The following LEMD1 variants were observed in gnomAD, a reference collection of about 807,000 sequenced individuals.
LEMD1 encodes LEM domain-containing protein 1.
A neutral mutation model predicts 17.4 loss-of-function variants in LEMD1; 18 were observed. The ratio of observed to expected loss-of-function variants is 1.04; its 90% CI spans 0.72 to 1.54. LEMD1 has a LOEUF of 1.54. Ranked by LOEUF, LEMD1 falls within the 40% of genes most tolerant of loss-of-function variation. LEMD1 has a pLI of 0.00. For synonymous variants in LEMD1, 88 were observed against 77.8 expected (o/e 1.13, Z -0.69); for missense variants, 195 against 210.4 (o/e 0.93, Z 0.45).
At chr1:205,414,744 C>A (rs1665613448) in intron 4 of LEMD1, among the ~76,000 whole-genome samples, 1 of 152,058 alleles carries the variant, frequency 6.6e-6, no homozygotes, top group Admixed American at 6.5e-5. Flanking sequence ...TTCAGTTACC[C>A]AGGTGTGGTG....
chr1:205,393,440 C>T (rs1373572185), intron 4 of LEMD1, among the ~76,000 whole-genome samples: 3 of 151,942 alleles, frequency 2.0e-5, no homozygotes, highest in Non-Finnish European at 4.4e-5. Context: ...CTTTGGGAGG[C>T]CGAGGTGGAT....
chr1:205,421,281 A>G (rs1238962321), intron 1 of LEMD1, among the ~76,000 whole-genome samples: 1 of 152,182 alleles, frequency 6.6e-6, no homozygotes, highest in African/African-American at 2.4e-5. Flanking sequence ...TGATCTCCCA[A>G]AGTTGACCCT....
chr1:205,426,902 C>T (rs963524200), upstream of LEMD1, among the ~76,000 whole-genome samples: 1 of 152,018 alleles, frequency 6.6e-6, no homozygotes. Flanking sequence ...GGGAGAGAGA[C>T]CAAGTGTGTC....
chr1:205,408,032 G>T (rs1468406084), intron 4 of LEMD1, among the ~76,000 whole-genome samples: 1 of 152,150 alleles, frequency 6.6e-6, no homozygotes, highest in East Asian at 1.9e-4. Flanking sequence ...AAAGACTGAG[G>T]CACCGTGGCT....
chr1:205,391,294 T>C (rs1317081659), intron 4 of LEMD1, among the ~76,000 whole-genome samples: 2 of 151,840 alleles, frequency 1.3e-5, no homozygotes, highest in African/African-American at 4.8e-5. Context: ...CTGGAAGATA[T>C]AGAGAGAAGG....
At chr1:205,418,989 G>T (rs1444320012) in intron 3 of LEMD1, among the ~76,000 whole-genome samples, 1 of 152,212 alleles carries the variant, frequency 6.6e-6, no homozygotes, top group Non-Finnish European at 1.5e-5. Context: ...AAAAGGACAT[G>T]CACGTTGAGC....
chr1:205,428,912 A>T lies in LEMD1; in HGVS notation c.-38-8338T>A, dbSNP rs756619613. Among the ~76,000 whole-genome samples the T allele has an allele frequency of 2.6e-5, 4 of 152,170 alleles. No individual in the cohort carries two copies. The East Asian group carries it at 7.7e-4, about 29-fold the overall frequency. On this transcript the variant is annotated intron_variant, in intron 1 of 3. Transcript: ENST00000367154. ...GGAATGAGTCAGATTTCTGGCTTGA[A>T]TATCTCAGTAACCAGAGGTGCCCTT...
rs575442008 is a variant in LEMD1 at position 205,394,953 on chromosome 1, C to G, written c.271-10589G>C. Among the ~76,000 whole-genome samples, 16 of 150,958 alleles carry G rather than the reference C, an allele frequency of 1.1e-4. No individual in the cohort carries two copies. In the East Asian group the frequency reaches 3.2e-3, roughly 30 times the overall value. On this transcript the variant is annotated intron_variant, in intron 4 of 5. Coordinates refer to ENST00000367153, the MANE Select transcript of LEMD1 (RefSeq NM_001199050.2). ...AGTGAGCCGAGATCGCCCTACTGCA[C>G]TACAGCCTGGGTGACACAGTGAGAC...
intron 1 of LEMD1, among the ~76,000 whole-genome samples, chr1:205,421,584 C>G (rs1177214510): frequency 6.6e-6 from 1 of 152,072 alleles, no homozygotes; most frequent in African/African-American, 2.4e-5. Context: ...TCTGGAATAC[C>G]TAGTTTGACA....
At chr1:205,407,306 G>A (rs1665161093) in intron 4 of LEMD1, among the ~76,000 whole-genome samples, 1 of 148,536 alleles carries the variant, frequency 6.7e-6, no homozygotes, top group African/African-American at 2.5e-5. Context: ...CTCCAGCCTG[G>A]GCAACACAGA....
In LEMD1 at chr1:205,419,221, T is replaced by C. The variant is rs1285202151; in HGVS notation, c.205+9A>G. 6.2e-7 allele frequency: 1 copy of C among 1,613,950 alleles called. No homozygotes were observed. The highest frequency in any genetic ancestry group is 1.7e-5 in the Admixed American group (1 of 59,952). ...AGTTGCCATCTAGCAGTACAGCTTA[T>C]GGCGGTACCTTCGCTGTCATCACTG... On this transcript the variant is annotated intron_variant, in intron 3 of 5. Coordinates refer to ENST00000367153, the MANE Select transcript of LEMD1 (RefSeq NM_001199050.2).
intron 1 of LEMD1, among the ~76,000 whole-genome samples, chr1:205,439,264 A>C (rs1380317487): frequency 1.3e-5 from 2 of 152,122 alleles, no homozygotes; most frequent in Non-Finnish European, 2.9e-5. Context: ...TGTTCCCTTG[A>C]GGGAAGGACT....
In LEMD1 at chr1:205,446,312, G is replaced by A. The variant is rs568027454; in HGVS notation, c.-39+3556C>T. The stretch of plus-strand genomic sequence containing the variant: ...GCCCAGCCCCAGCAAAGCGAGGACT[G>A]TCTCGGGTGAGTTGCTGAGCTGTGG... On this transcript the variant is annotated intron_variant, in intron 1 of 3. Transcript: ENST00000367154. 1.8e-4 allele frequency among the ~76,000 whole-genome samples: 28 copies of A among 152,388 alleles called. No individual in the cohort carries two copies. In the South Asian group the frequency reaches 5.6e-3, roughly 30 times the overall value.
chr1:205,384,231 C>T (rs1193898569), intron 5 of LEMD1, 57 bp downstream of exon 5: 1 of 1,037,116 alleles, frequency 9.6e-7, no homozygotes, highest in Non-Finnish European at 1.3e-6. Context: ...TTAGTTTTTT[C>T]CAGAGCTACA....
intron 4 of LEMD1, among the ~76,000 whole-genome samples, chr1:205,408,229 G>A (rs1279135790): frequency 6.6e-6 from 1 of 152,084 alleles, no homozygotes; most frequent in Non-Finnish European, 1.5e-5. Flanking sequence ...TGGTTATGTA[G>A]GAGAGTGTCC....
intron 4 of LEMD1, among the ~76,000 whole-genome samples, chr1:205,388,036 C>T (rs1308395125): frequency 1.3e-5 from 2 of 152,180 alleles, no homozygotes; most frequent in East Asian, 3.8e-4. Context: ...GTAGCTTGCC[C>T]ATGCTTACAC....
chr1:205,381,696 C>T lies in LEMD1; in HGVS notation c.508G>A (p.Val170Ile). The stretch of plus-strand genomic sequence containing the variant: ...GACTTATTTTCCACAGTCAGGTAGA[C>T]AAACACCACAATGATGAAAATACCA... ...VLGIFIIVVF[V>I]YLTVENKSLF... is the part of the protein sequence containing the mutation. The change falls in exon 6 of 6, where the codon GTC (valine) becomes ATC (isoleucine). Residue 170 changes from valine to isoleucine, a missense_variant. Coordinates refer to ENST00000367153, the MANE Select transcript of LEMD1 (RefSeq NM_001199050.2). The T allele has an allele frequency of 6.2e-7, 1 of 1,614,216 alleles. No homozygotes were observed. The highest frequency in any genetic ancestry group is 1.3e-5 in the African/African-American group (1 of 75,058).
intron 4 of LEMD1, among the ~76,000 whole-genome samples, chr1:205,388,714 TA>T (rs1314532765): frequency 6.6e-6 from 1 of 152,238 alleles, no homozygotes; most frequent in Non-Finnish European, 1.5e-5. Context: ...AACATGTTTT[TA>T]AAAACTTTTC....
At chr1:205,395,238 A>G (rs1664534951) in intron 4 of LEMD1, among the ~76,000 whole-genome samples, 1 of 152,172 alleles carries the variant, frequency 6.6e-6, no homozygotes, top group African/African-American at 2.4e-5. Flanking sequence ...AAATTTGGGT[A>G]TGGTTAGATT....
Sources: gnomAD v4.1 joint callset for allele counts (sites outside exome capture counted in the v4.1 genomes callset) on GRCh38, gnomAD v4.1.1 for gene constraint, MANE v1.5 for transcripts, NCBI Gene and HGNC (gene_info 2026-07-23, HGNC 2026-07-21) for gene names.